The following INPP4B variants were observed in gnomAD, a reference collection of about 807,000 sequenced individuals.
INPP4B encodes inositol polyphosphate-4-phosphatase type II B, also known as inositol polyphosphate 4-phosphatase type II.
A neutral mutation model predicts 122.5 loss-of-function variants in INPP4B; 55 were observed. The ratio of observed to expected loss-of-function variants is 0.45; its 90% CI spans 0.36 to 0.56. INPP4B has a LOEUF of 0.56. INPP4B is among the 20% of genes least tolerant of loss of function. The pLI is 0.00. For synonymous variants in INPP4B, 403 were observed against 388.7 expected, an observed-to-expected ratio of 1.04 and a Z score of -0.43; for missense variants, 1,000 against 1,097.7, an observed-to-expected ratio of 0.91 and a Z score of 1.26.
Position 142,070,040 on chromosome 4 carries a change from G to T in INPP4B, c.2642+11991C>A, listed in dbSNP as rs780253276. On this transcript the variant is annotated intron_variant, in intron 25 of 25. Coordinates refer to ENST00000262992, the MANE Select transcript of INPP4B (RefSeq NM_001101669.3). ...CTGGCAGAGACACAACAAAAAAAGA[G>T]AATTTTAGACCAATATCCCTGAAGA... Among the ~76,000 whole-genome samples the T allele has an allele frequency of 1.6e-3, 239 of 152,036 alleles. 2 individuals carry two copies. Among genetic ancestry groups the T allele is most frequent in the Non-Finnish European group, 2.5e-4 (17 of 67,986 alleles).
chr4:142,704,376 A>G (rs191674924), intron 2 of INPP4B, among the ~76,000 whole-genome samples: 5 of 152,338 alleles, frequency 3.3e-5, no homozygotes, highest in Non-Finnish European at 7.3e-5. Flanking sequence ...GAGTACAATG[A>G]CATATGAATT....
At chr4:142,830,475 CG>C (rs1357398869) in intron 1 of INPP4B, among the ~76,000 whole-genome samples, 1 of 151,896 alleles carries the variant, frequency 6.6e-6, no homozygotes, top group Non-Finnish European at 1.5e-5. Context: ...GGCTCTGCCA[CG>C]GAAGAGAAAA....
At chr4:142,295,419 T>A (rs1758273553) in intron 9 of INPP4B, among the ~76,000 whole-genome samples, 1 of 152,106 alleles carries the variant, frequency 6.6e-6, no homozygotes, top group South Asian at 2.1e-4. Flanking sequence ...TGGGTGAGGA[T>A]CACATGCCTG....
At position 142,431,302 on chromosome 4, in the gene INPP4B, C is replaced by A; in HGVS notation, c.-43G>T. On this transcript the variant is annotated 5_prime_UTR_variant, in exon 4 of 26. Transcript: ENST00000262992. The stretch of plus-strand genomic sequence containing the variant: ...TTAAAATTTTCCAAATTTTCTTGTC[C>A]AAATGTCAGTTCTAGTGATTCCTGG... 2 of 1,412,328 alleles carry A rather than the reference C, an allele frequency of 1.4e-6. No individual in the cohort carries two copies. The highest frequency in any genetic ancestry group is 2.0e-6 in the Non-Finnish European group (2 of 998,464). 87.5% of individuals were successfully genotyped at this position (1,412,328 alleles called of 1,614,324 possible).
chr4:142,843,783 G>GT (rs1156648912), intron 1 of INPP4B, among the ~76,000 whole-genome samples: 2 of 151,776 alleles, frequency 1.3e-5, no homozygotes, highest in Non-Finnish European at 2.9e-5. Context: ...CAGTTAGCAG[G>GT]TTTTTTTTCT....
intron 2 of INPP4B, among the ~76,000 whole-genome samples, chr4:142,659,284 T>A (rs1410757792): frequency 6.6e-6 from 1 of 150,992 alleles, no homozygotes; most frequent in African/African-American, 2.4e-5. Flanking sequence ...CAGATGCCTG[T>A]AGTCCCAGCT....
Position 142,028,774 on chromosome 4 carries a change from TGGTAAACTTA to T in INPP4B, c.2773_*7del. ...TTTGTGTTCCTGTTTATTAACATGT[TGGTAAACTTA>T]GGTGTCAGCTTTTCCATAAGTCCCC... On this transcript the variant is annotated stop_lost and 3_prime_UTR_variant, in exon 26 of 26. Transcript: ENST00000262992. 1 of 1,604,064 alleles carries T rather than the reference TGGTAAACTTA, an allele frequency of 6.2e-7. No individual in the cohort carries two copies. Among genetic ancestry groups the T allele is most frequent in the Non-Finnish European group, 8.5e-7 (1 of 1,177,058 alleles).
At chr4:142,459,701 A>G (rs571019380) in intron 3 of INPP4B, among the ~76,000 whole-genome samples, 8 of 152,298 alleles carry the variant, frequency 5.3e-5, no homozygotes, top group African/African-American at 1.4e-4. Flanking sequence ...TCTAGATGTT[A>G]GATACAATGT....
chr4:142,118,710 A>T (rs887096648), intron 21 of INPP4B, among the ~76,000 whole-genome samples: 9 of 152,276 alleles, frequency 5.9e-5, no homozygotes, highest in African/African-American at 2.2e-4. Context: ...AACCTAGGCA[A>T]TACCATTCAG....
At chr4:142,710,279 T>A (rs1299555526) in intron 2 of INPP4B, among the ~76,000 whole-genome samples, 1 of 152,240 alleles carries the variant, frequency 6.6e-6, no homozygotes, top group Non-Finnish European at 1.5e-5. Flanking sequence ...TCCTATTGAT[T>A]TCCAGTTTGT....
rs188142479 is a variant in INPP4B, at chr4:142,743,278, A to G, written c.-253-17377T>C. ...TTCCAACCTCAGCAAAGCAAGTTGG[A>G]ATCCAAGCAAAGCAAAGGGGACTGC... On this transcript the variant is annotated intron_variant, in intron 1 of 25. Coordinates refer to ENST00000262992, the MANE Select transcript of INPP4B (RefSeq NM_001101669.3). Among the ~76,000 whole-genome samples the G allele has an allele frequency of 1.3e-4, 20 of 152,130 alleles. No homozygotes were observed. In the East Asian group the frequency reaches 3.7e-3, roughly 28 times the overall value.
chr4:142,531,680 T>A (rs1448369188), intron 2 of INPP4B, among the ~76,000 whole-genome samples: 6 of 152,164 alleles, frequency 3.9e-5, no homozygotes, highest in Non-Finnish European at 7.4e-5. Context: ...GAGTAGATTT[T>A]TTTTTTAACA....
At chr4:142,209,427 T>C (rs1049435206) in intron 12 of INPP4B, among the ~76,000 whole-genome samples, 2 of 152,122 alleles carry the variant, frequency 1.3e-5, no homozygotes, top group Admixed American at 6.5e-5. Context: ...TACCTGACCA[T>C]GTTGGAAGCA....
At chr4:142,651,596 T>C (rs1002257684) in intron 2 of INPP4B, among the ~76,000 whole-genome samples, 8 of 152,166 alleles carry the variant, frequency 5.3e-5, no homozygotes, top group Non-Finnish European at 7.3e-5. Context: ...TAAACATTTC[T>C]ACGCAAATAA....
chr4:142,291,782 A>G (rs1450892293), intron 9 of INPP4B, among the ~76,000 whole-genome samples: 1 of 152,186 alleles, frequency 6.6e-6, no homozygotes, highest in Non-Finnish European at 1.5e-5. Flanking sequence ...AAGAAAAAAT[A>G]TTCACTAAAA....
intron 2 of INPP4B, among the ~76,000 whole-genome samples, chr4:142,467,768 T>G (rs10008498): frequency 0.24 from 36,738 of 151,948 alleles, 5,046 homozygotes; most frequent in East Asian, 0.46. Flanking sequence ...CAAATCTCAT[T>G]TTGAAATGTG....
intron 1 of INPP4B, among the ~76,000 whole-genome samples, chr4:142,731,019 G>T (rs1161171109): frequency 2.0e-5 from 3 of 151,944 alleles, no homozygotes; most frequent in African/African-American, 7.3e-5. Context: ...GGACATGTAG[G>T]TTTGTTACTT....
chr4:142,409,599 G>A (rs1402619919), intron 5 of INPP4B, among the ~76,000 whole-genome samples: 2 of 152,048 alleles, frequency 1.3e-5, no homozygotes, highest in Admixed American at 6.5e-5. Context: ...ATATGTCCAG[G>A]GAGGGCTAGG....
At chr4:142,323,671 T>A (rs1456630908) in intron 7 of INPP4B, among the ~76,000 whole-genome samples, 3 of 151,986 alleles carry the variant, frequency 2.0e-5, no homozygotes, top group South Asian at 2.1e-4. Context: ...GGTCTCAATC[T>A]CCTGACCTTG....
Sources: allele counts gnomAD v4.1 joint callset (sites outside exome capture counted in the v4.1 genomes callset), GRCh38; gene constraint gnomAD v4.1.1; transcripts MANE v1.5; gene names NCBI Gene and HGNC (gene_info 2026-07-23, HGNC 2026-07-21).